The following ESRRG variants were observed in gnomAD, a reference collection of about 807,000 sequenced individuals.
ESRRG encodes estrogen-related receptor gamma.
ESRRG carries 13 observed loss-of-function variants against 44.0 expected under a neutral mutation model. The ratio of observed to expected loss-of-function variants is 0.30; its 90% CI spans 0.19 to 0.47. The LOEUF is 0.47. Among genes scored for constraint, ESRRG ranks in the 20% least tolerant of loss-of-function variants. The probability of loss-of-function intolerance (pLI) is 1.00; values close to 1 mark genes in which losing one functional copy is unlikely to be tolerated. For synonymous variants in ESRRG, 215 were observed against 214.6 expected (o/e 1.00, Z -0.02); for missense variants, 395 against 580.6 (o/e 0.68, Z 3.29).
rs77337714 is a variant in ESRRG, at chr1:216,971,508, T to A, written c.-105-31835A>T. Among the ~76,000 whole-genome samples the A allele has an allele frequency of 2.2e-3, 334 of 152,300 alleles. 9 individuals are homozygous for A. The highest frequency in any genetic ancestry group is 0.019 in the East Asian group (100 of 5,174). On this transcript the variant is annotated intron_variant, in intron 1 of 7. Coordinates refer to the ESRRG transcript ENST00000359162. ...TCTCTGATATAAAACAGAAAAGCCA[T>A]GAAACAGTTACCAAAATGCCTCAAA... is the stretch of plus-strand genomic sequence containing the variant.
At chr1:216,888,682 C>G (rs2057376179) in intron 2 of ESRRG, among the ~76,000 whole-genome samples, 1 of 152,120 alleles carries the variant, frequency 6.6e-6, no homozygotes. Flanking sequence ...TAGCACCCAC[C>G]TTAACACTTG....
intron 1 of ESRRG, among the ~76,000 whole-genome samples, chr1:216,687,366 C>T (rs975774527): frequency 2.0e-5 from 3 of 152,092 alleles, no homozygotes; most frequent in African/African-American, 4.8e-5. Flanking sequence ...CAGCAAGCAG[C>T]GGGGAGCTGT....
At chr1:216,736,319 G>A (rs1318507526) in intron 2 of ESRRG, among the ~76,000 whole-genome samples, 1 of 151,484 alleles carries the variant, frequency 6.6e-6, no homozygotes, top group Non-Finnish European at 1.5e-5. Context: ...GAGTAGCTGG[G>A]ACTACAGCCG....
At chr1:217,109,582 T>A (rs1435863637) in intron 1 of ESRRG, among the ~76,000 whole-genome samples, 1 of 152,202 alleles carries the variant, frequency 6.6e-6, no homozygotes, top group Non-Finnish European at 1.5e-5. Context: ...TGGAGGGGAC[T>A]ATTCTCACCT....
chr1:216,928,318 G>A (rs1290002311), intron 2 of ESRRG, among the ~76,000 whole-genome samples: 1 of 152,086 alleles, frequency 6.6e-6, no homozygotes, highest in African/African-American at 2.4e-5. Flanking sequence ...TCCTCTCAGA[G>A]GATGTCTCAG....
At chr1:216,883,386 GA>G (rs11318094) in intron 2 of ESRRG, among the ~76,000 whole-genome samples, 22,322 of 76,192 alleles carry the variant, frequency 0.29, 3,660 homozygotes, top group African/African-American at 0.52. Context: ...ACTTCTCTGA[GA>G]AAAAAAAAAA....
intron 6 of ESRRG, among the ~76,000 whole-genome samples, chr1:216,509,682 A>T (rs892843948): frequency 6.6e-6 from 1 of 152,244 alleles, no homozygotes; most frequent in African/African-American, 2.4e-5. Context: ...GAGAGATTTA[A>T]AAATGATTTA....
rs12097269 is a variant in ESRRG at position 217,070,781 on chromosome 1, T to C, written c.-106+18726A>G. Among the ~76,000 whole-genome samples, 999 of 152,320 alleles carry C rather than the reference T, an allele frequency of 6.6e-3. 14 individuals carry two copies. Among genetic ancestry groups the C allele is most frequent in the African/African-American group, 0.023 (958 of 41,572 alleles). On this transcript the variant is annotated intron_variant, in intron 1 of 7. Coordinates refer to the ESRRG transcript ENST00000359162. ...TCCATGCCTCTTTCTGTGTCTATAT[T>C]TTTACATGAATCTCTGTCTCAAAAG...
intron 1 of ESRRG, among the ~76,000 whole-genome samples, chr1:217,108,471 C>G (rs1004618241): frequency 3.3e-5 from 5 of 152,054 alleles, no homozygotes; most frequent in African/African-American, 1.2e-4. Context: ...GATGCTTGTC[C>G]CCACCCAAAT....
chr1:216,576,143 A>G (rs2061640041), intron 3 of ESRRG, among the ~76,000 whole-genome samples: 2 of 152,194 alleles, frequency 1.3e-5, no homozygotes, highest in South Asian at 4.1e-4. Flanking sequence ...TTTACAGTTC[A>G]GGAGGGAGTC....
At chr1:216,578,477 G>A (rs1396549066) in intron 3 of ESRRG, among the ~76,000 whole-genome samples, 2 of 152,070 alleles carry the variant, frequency 1.3e-5, no homozygotes, top group African/African-American at 2.4e-5. Flanking sequence ...ATCCAATAGA[G>A]AGAAATAAAG....
At chr1:216,960,909 G>A (rs1398819648) in intron 1 of ESRRG, among the ~76,000 whole-genome samples, 1 of 152,090 alleles carries the variant, frequency 6.6e-6, no homozygotes, top group African/African-American at 2.4e-5. Context: ...TCATGTAAAT[G>A]CACATAGCTG....
At chr1:216,746,794 T>C (rs1398369799) in intron 2 of ESRRG, among the ~76,000 whole-genome samples, 2 of 152,218 alleles carry the variant, frequency 1.3e-5, no homozygotes, top group Non-Finnish European at 2.9e-5. Flanking sequence ...CTGGTCCCTT[T>C]TTCCAAAAAC....
intron 5 of ESRRG, among the ~76,000 whole-genome samples, chr1:216,530,011 C>T (rs901261300): frequency 6.7e-6 from 1 of 148,866 alleles, no homozygotes. Context: ...ACTCAGGAGG[C>T]TGAGGCAGGA....
upstream of ESRRG, among the ~76,000 whole-genome samples, chr1:216,723,660 C>T (rs1575777125): frequency 6.6e-6 from 1 of 151,732 alleles, no homozygotes; most frequent in African/African-American, 2.4e-5. Context: ...AAAAAGGGAG[C>T]GGAGAAGGGA....
chr1:216,974,872 T>G (rs944301362), intron 1 of ESRRG, among the ~76,000 whole-genome samples: 1 of 151,712 alleles, frequency 6.6e-6, no homozygotes, highest in Admixed American at 6.6e-5. Flanking sequence ...CTTCCTTTTG[T>G]GCTTTTTTTT....
At chr1:216,845,434 AG>A (rs1273115209) in intron 2 of ESRRG, among the ~76,000 whole-genome samples, 1 of 152,178 alleles carries the variant, frequency 6.6e-6, no homozygotes, top group African/African-American at 2.4e-5. Context: ...AGAAAAACAA[AG>A]CTGGTCATGG....
chr1:216,769,093 G>C (rs1447522070), intron 2 of ESRRG, among the ~76,000 whole-genome samples: 1 of 151,926 alleles, frequency 6.6e-6, no homozygotes, highest in Non-Finnish European at 1.5e-5. Flanking sequence ...ATGATTAAAA[G>C]ATTGCCTCCT....
chr1:216,966,169 G>T (rs2070317729), intron 1 of ESRRG, among the ~76,000 whole-genome samples: 1 of 152,134 alleles, frequency 6.6e-6, no homozygotes, highest in South Asian at 2.1e-4. Context: ...ACGTGTCCTA[G>T]CCCAGCAAAT....
Sources: gnomAD v4.1 joint callset for allele counts (sites outside exome capture counted in the v4.1 genomes callset) on GRCh38, gnomAD v4.1.1 for gene constraint, MANE v1.5 for transcripts, NCBI Gene and HGNC (gene_info 2026-07-23, HGNC 2026-07-21) for gene names.